MVB12B: variants seen among roughly 807,000 people sequenced by gnomAD.
MVB12B encodes multivesicular body subunit 12B.
A neutral mutation model predicts 41.6 loss-of-function variants in MVB12B; 16 were observed. That is an observed-to-expected ratio of 0.38 (90% CI 0.26 to 0.58). The LOEUF (loss-of-function observed/expected upper bound fraction) is 0.58. Among genes scored for constraint, MVB12B ranks in the 20% least tolerant of loss-of-function variants. MVB12B has a pLI of 0.62. For synonymous variants in MVB12B, 133 were observed against 139.7 expected (o/e 0.95, Z 0.34); for missense variants, 274 against 380.2 (o/e 0.72, Z 2.32).
chr9:126,413,570 T>C (rs1831712214), intron 6 of MVB12B, among the ~76,000 whole-genome samples: 1 of 152,208 alleles, frequency 6.6e-6, no homozygotes, highest in Non-Finnish European at 1.5e-5. Flanking sequence ...ATTTGAATCA[T>C]CTGGAATGTA....
At chr9:126,413,665 A>G (rs1831714141) in intron 6 of MVB12B, among the ~76,000 whole-genome samples, 1 of 152,204 alleles carries the variant, frequency 6.6e-6, no homozygotes, top group Non-Finnish European at 1.5e-5. Flanking sequence ...GTCATACAAA[A>G]TTGCTGAATC....
chr9:126,375,875 T>C (rs553098375), intron 2 of MVB12B, among the ~76,000 whole-genome samples: 46 of 152,346 alleles, frequency 3.0e-4, no homozygotes, highest in African/African-American at 1.1e-3. Flanking sequence ...CCCGTCCCTT[T>C]GTATGTGACC....
intron 9 of MVB12B, among the ~76,000 whole-genome samples, chr9:126,485,727 AGCCT>A: frequency 6.6e-6 from 1 of 151,404 alleles, no homozygotes; most frequent in East Asian, 1.9e-4. Flanking sequence ...CACATCTGGC[AGCCT>A]GCTTTCAAAC....
At position 126,486,202 on chromosome 9, in the gene MVB12B, C is replaced by T. The variant is rs1833615950; in HGVS notation, c.873+2170C>T. On this transcript the variant is annotated intron_variant, in intron 9 of 9. Transcript: ENST00000361171. The surrounding 1 kb of genome is among the most constrained non-coding windows in gnomAD (Gnocchi z 4.7). Reference sequence around the variant, plus strand: ...ATTTTTTTTTCTTTTTTTGATAACTCAGGGAAAAAATGGCTGGCTGGGACA... The same window carrying T: ...ATTTTTTTTTCTTTTTTTGATAACTTAGGGAAAAAATGGCTGGCTGGGACA... Among the ~76,000 whole-genome samples, 1 of 151,620 alleles carries T rather than the reference C, an allele frequency of 6.6e-6. No homozygotes were observed. Among genetic ancestry groups the T allele is most frequent in the South Asian group, 2.1e-4 (1 of 4,816 alleles).
At chr9:126,415,873 G>T (rs960450167) in intron 6 of MVB12B, among the ~76,000 whole-genome samples, 1 of 152,156 alleles carries the variant, frequency 6.6e-6, no homozygotes, top group African/African-American at 2.4e-5. Context: ...TAAGAGTGTG[G>T]CGGGGTGCCT....
intron 7 of MVB12B, among the ~76,000 whole-genome samples, chr9:126,479,700 G>C (rs1291380727): frequency 6.6e-6 from 1 of 152,214 alleles, no homozygotes; most frequent in African/African-American, 2.4e-5. Context: ...TCTAAGTCCA[G>C]CAGCCACACT....
chr9:126,366,066 T>C (rs1830172946), intron 2 of MVB12B, among the ~76,000 whole-genome samples: 1 of 152,094 alleles, frequency 6.6e-6, no homozygotes. Flanking sequence ...GCTGTCAATC[T>C]CTTCCCCTCC....
At chr9:126,381,413 G>A (rs1384399753) in intron 3 of MVB12B, among the ~76,000 whole-genome samples, 1 of 152,124 alleles carries the variant, frequency 6.6e-6, no homozygotes, top group African/African-American at 2.4e-5. Flanking sequence ...AGGAAACCAG[G>A]AAATTTCTCT....
intron 6 of MVB12B, chr9:126,408,188 T>G (rs990955883): frequency 6.6e-6 from 1 of 152,186 alleles, no homozygotes; most frequent in African/African-American, 2.4e-5. Flanking sequence ...ATTAGCCTAA[T>G]GATTTTGCCG....
chr9:126,396,210 A>G (rs138111910), intron 6 of MVB12B: 6 of 986,754 alleles, frequency 6.1e-6, no homozygotes, highest in Middle Eastern at 5.2e-4. Flanking sequence ...AGTTTTAACA[A>G]TTGTCTCCGC....
intron 7 of MVB12B, among the ~76,000 whole-genome samples, chr9:126,435,493 C>T (rs1275017038): frequency 6.6e-6 from 1 of 152,130 alleles, no homozygotes; most frequent in Non-Finnish European, 1.5e-5. Context: ...AAATCAGCCT[C>T]AATTTTCCAT....
At chr9:126,449,010 G>A (rs1832843539) in intron 7 of MVB12B, among the ~76,000 whole-genome samples, 2 of 152,218 alleles carry the variant, frequency 1.3e-5, no homozygotes, top group South Asian at 4.1e-4. Flanking sequence ...GGCATAGAAG[G>A]AAGGGCAGGG....
intron 9 of MVB12B, among the ~76,000 whole-genome samples, chr9:126,496,429 C>G (rs4373626): frequency 0.19 from 21,677 of 117,168 alleles, 3,287 homozygotes; most frequent in African/African-American, 0.35. Flanking sequence ...CATTCATCTA[C>G]TCACCCACTC....
intron 1 of MVB12B, among the ~76,000 whole-genome samples, chr9:126,336,754 G>GCACACACACA (rs113110128): frequency 0.016 from 2,370 of 150,362 alleles, 33 homozygotes; most frequent in East Asian, 0.035. Context: ...GTGTGTGCAC[G>GCACACACACA]CACACACACA....
At chr9:126,496,936 G>A (rs1833848716) in intron 9 of MVB12B, among the ~76,000 whole-genome samples, 1 of 152,180 alleles carries the variant, frequency 6.6e-6, no homozygotes, top group Non-Finnish European at 1.5e-5. Flanking sequence ...CAGACTCTCA[G>A]CGTTGTCATC....
At chr9:126,373,179 G>A (rs574677346) in intron 2 of MVB12B, among the ~76,000 whole-genome samples, 1 of 152,252 alleles carries the variant, frequency 6.6e-6, no homozygotes. Flanking sequence ...ATAAGAAAAT[G>A]ATGCAAATAA....
intron 1 of MVB12B, among the ~76,000 whole-genome samples, chr9:126,332,743 C>T (rs1042406816): frequency 4.6e-5 from 7 of 152,094 alleles, no homozygotes; most frequent in Admixed American, 1.3e-4. Flanking sequence ...TTTATGTGCC[C>T]TCCTTAATCC....
chr9:126,380,960 C>G, intron 2 of MVB12B, 104 bp from the exon 3 acceptor site: 2 of 790,576 alleles, frequency 2.5e-6, no homozygotes, highest in Admixed American at 2.1e-5. Flanking sequence ...CCGGGAGATC[C>G]CAAGCTGGTG....
chr9:126,329,467 T>C (rs951861008), intron 1 of MVB12B, among the ~76,000 whole-genome samples: 2 of 152,114 alleles, frequency 1.3e-5, no homozygotes, highest in African/African-American at 4.8e-5. Flanking sequence ...TACAAGAATA[T>C]CCTGTGTTTG....
Sources: allele counts gnomAD v4.1 joint callset (sites outside exome capture counted in the v4.1 genomes callset), GRCh38; gene constraint gnomAD v4.1.1; non-coding constraint Gnocchi (gnomAD v3.1); transcripts MANE v1.5; gene names NCBI Gene and HGNC (gene_info 2026-07-23, HGNC 2026-07-21).